Variants in TCF25 observed in about 807,000 individuals in gnomAD.
TCF25 encodes the protein TCF25 ribosome quality control complex subunit.
Under a neutral mutation model 83.1 loss-of-function variants are expected in TCF25, and 41 were observed. That is an observed-to-expected ratio of 0.49 (90% confidence interval 0.38 to 0.64). The LOEUF is 0.64. TCF25 is among the 30% of genes least tolerant of loss of function. TCF25 has a pLI of 0.00. For synonymous variants in TCF25, 458 were observed against 365.0 expected, an observed-to-expected ratio of 1.25 and a Z score of -2.90; for missense variants, 979 against 914.5, an observed-to-expected ratio of 1.07 and a Z score of -0.91.
chr16:89,904,111 C>T lies in TCF25; in HGVS notation c.1382-7C>T. On this transcript the variant is annotated splice_region_variant and splice_polypyrimidine_tract_variant and intron_variant, in intron 12 of 17. Coordinates refer to ENST00000263346, the MANE Select transcript of TCF25 (RefSeq NM_014972.3). ...GGGCCCCCACAGAGCCTCCGCTTCC[C>T]CTGCAGTCCTCCTGCCCCTGCTCGA... The T allele has an allele frequency of 6.2e-7, 1 of 1,603,604 alleles. No individual in the cohort carries two copies. Among genetic ancestry groups the T allele is most frequent in the Non-Finnish European group, 8.5e-7 (1 of 1,175,572 alleles).
chr16:89,880,763 G>A lies in TCF25; in HGVS notation c.193-2588G>A, dbSNP rs564120124. Among the ~76,000 whole-genome samples the A allele has an allele frequency of 3.3e-5, 5 of 152,272 alleles. No individual in the cohort carries two copies. In the East Asian group the frequency reaches 9.6e-4, roughly 29 times the overall value. On this transcript the variant is annotated intron_variant, in intron 1 of 17. Coordinates refer to ENST00000263346, the MANE Select transcript of TCF25 (RefSeq NM_014972.3). Reference sequence around the variant, plus strand: ...AAACCAGCACCCAGCTTCACTAAGAGACATCATCATTAGTTGAATGTTGGA... The same window carrying A: ...AAACCAGCACCCAGCTTCACTAAGAAACATCATCATTAGTTGAATGTTGGA...
At chr16:89,909,153 AT>A in intron 16 of TCF25, 1 of 1,280,240 alleles carries the variant, frequency 7.8e-7, no homozygotes, top group Non-Finnish European at 1.0e-6. Context: ...GAATGTAGAA[AT>A]AAACATAAAA....
chr16:89,909,120 G>A (rs1208447450), intron 16 of TCF25: 2 of 1,288,270 alleles, frequency 1.6e-6, no homozygotes, highest in East Asian at 5.6e-5. Context: ...GTGCAGTGAA[G>A]TGGGGAAAAC....
chr16:89,882,270 C>T (rs2042664768), intron 1 of TCF25, among the ~76,000 whole-genome samples: 1 of 152,240 alleles, frequency 6.6e-6, no homozygotes, highest in Non-Finnish European at 1.5e-5. Context: ...CGTGGTGGCT[C>T]ACGCCTGTAA....
At chr16:89,885,798 T>C (rs766071015) in intron 3 of TCF25, 50 bp from the exon 4 acceptor site, 8 of 1,421,764 alleles carry the variant, frequency 5.6e-6, no homozygotes, top group Non-Finnish European at 7.9e-6. Context: ...TGTTACAATA[T>C]TTAAAATAAT....
chr16:89,884,244 C>A (rs1026115633), intron 2 of TCF25, among the ~76,000 whole-genome samples: 1 of 152,076 alleles, frequency 6.6e-6, no homozygotes, highest in Non-Finnish European at 1.5e-5. Context: ...CGGTGTGAGG[C>A]GGCCAGGGCA....
intron 4 of TCF25, 114 bp downstream of exon 4, chr16:89,886,080 A>C (rs1454125338): frequency 2.0e-5 from 13 of 665,116 alleles, no homozygotes; most frequent in South Asian, 4.8e-5. Flanking sequence ...TCGTGGGAGG[A>C]AAAGGTTCTC....
chr16:89,880,395 C>A (rs1361113889), intron 1 of TCF25, among the ~76,000 whole-genome samples: 1 of 152,196 alleles, frequency 6.6e-6, no homozygotes, highest in East Asian at 1.9e-4. Context: ...ACCAGCCTGG[C>A]CAACATGATG....
intron 5 of TCF25, among the ~76,000 whole-genome samples, chr16:89,887,942 C>T (rs1440027906): frequency 1.3e-5 from 2 of 152,204 alleles, no homozygotes; most frequent in Admixed American, 1.3e-4. Flanking sequence ...AGCTGGTCTC[C>T]ATCCCTCACA....
In TCF25 at chr16:89,896,045, T is replaced by C. The variant is rs1163004987; in HGVS notation, c.984T>C (p.Ser328=). Residue 328 remains serine (S), a synonymous_variant, in exon 9 of 18, where the codon AGT becomes AGC. Coordinates refer to ENST00000263346, the MANE Select transcript of TCF25 (RefSeq NM_014972.3). ...TCCACCCCCTGTTCAGTCTCACCAG[T>C]GGGGCCTGCCGGCTGGATTACCGCA... ...CAFHPLFSLT[S]GACRLDYRRP... The C allele has an allele frequency of 5.0e-6, 8 of 1,613,842 alleles. No individual in the cohort carries two copies. Among genetic ancestry groups the C allele is most frequent in the Non-Finnish European group, 6.8e-6 (8 of 1,179,986 alleles).
rs760844824 is a variant in TCF25, at chr16:89,893,786, C to T, written c.756C>T (p.His252=). The change falls in exon 7 of 18, where the codon CAC becomes CAT. Residue 252 remains histidine, a synonymous_variant. Transcript: ENST00000263346. ...GCCTCTCCTTCTTTGCGTTTGAGCA[C>T]AGTGAGGAGTACCAGCAGGCTCAGC... ...KKGLSFFAFE[H]SEEYQQAQHK... is the part of the protein sequence containing the mutation. 4.3e-6 allele frequency: 7 copies of T among 1,613,556 alleles called. No homozygotes were observed. Among genetic ancestry groups the T allele is most frequent in the Non-Finnish European group, 5.9e-6 (7 of 1,179,798 alleles).
At chr16:89,895,534 C>T (rs935517532) in intron 8 of TCF25, among the ~76,000 whole-genome samples, 1 of 152,192 alleles carries the variant, frequency 6.6e-6, no homozygotes, top group African/African-American at 2.4e-5. Flanking sequence ...ATGAAGTTTT[C>T]AAGGTTCATC....
intron 14 of TCF25, 49 bp downstream of exon 14, chr16:89,905,145 C>T (rs1009867819): frequency 1.3e-6 from 2 of 1,503,396 alleles, no homozygotes; most frequent in Admixed American, 2.2e-5. Context: ...CCTCAGGGAC[C>T]CTCATCCCAG....
chr16:89,884,862 C>G (rs1428692866), intron 3 of TCF25, among the ~76,000 whole-genome samples: 1 of 97,488 alleles, frequency 1.0e-5, no homozygotes, highest in Non-Finnish European at 1.9e-5. Flanking sequence ...GCCTGACGCC[C>G]TCTCCCTCTG....
chr16:89,898,515 C>G, intron 9 of TCF25, 42 bp from the exon 10 acceptor site: 1 of 1,488,692 alleles, frequency 6.7e-7, no homozygotes, highest in Non-Finnish European at 9.1e-7. Flanking sequence ...GAGCATTCTC[C>G]TTTGTGTCGT....
In TCF25 at chr16:89,906,181, T is replaced by A. The variant is rs1295448391; in HGVS notation, c.1629-13T>A. ...TGCTTTATCTGCTGTGCCTTGTTTC[T>A]CCCCGGCCCTAGGCGGAAGGTGCTC... On this transcript the variant is annotated splice_polypyrimidine_tract_variant and intron_variant, in intron 14 of 17. Transcript: ENST00000263346. 3.7e-6 allele frequency: 6 copies of A among 1,611,794 alleles called. No homozygotes were observed. The highest frequency in any genetic ancestry group is 5.1e-6 in the Non-Finnish European group (6 of 1,179,242).
intron 1 of TCF25, among the ~76,000 whole-genome samples, 187 bp downstream of exon 1, chr16:89,874,046 T>C (rs2041958204): frequency 1.1e-5 from 1 of 89,752 alleles, no homozygotes; most frequent in Admixed American, 1.5e-4. Context: ...GGCGGTGGCG[T>C]GGGGTGAAGA....
At chr16:89,898,530 A>G (rs773588892) in intron 9 of TCF25, 27 bp from the exon 10 acceptor site, 1 of 1,559,372 alleles carries the variant, frequency 6.4e-7, no homozygotes. Context: ...TGTCGTTGTA[A>G]TTCATGTGGA....
rs922870063 is a variant in TCF25, at chr16:89,886,891, C to T, written c.549-761C>T. Among the ~76,000 whole-genome samples the T allele has an allele frequency of 2.6e-5, 4 of 151,772 alleles. No homozygotes were observed. In the South Asian group the frequency reaches 6.3e-4, roughly 24 times the overall value. ...GGCAGAGGTTGCAGTGAGCCGAGAT[C>T]GAGATCGCGCCACTGCACTCCAGCC... On this transcript the variant is annotated intron_variant, in intron 4 of 17. Coordinates refer to ENST00000263346, the MANE Select transcript of TCF25 (RefSeq NM_014972.3).
Sources: gnomAD v4.1 joint callset for allele counts (sites outside exome capture counted in the v4.1 genomes callset) on GRCh38, gnomAD v4.1.1 for gene constraint, MANE v1.5 for transcripts, NCBI Gene and HGNC (gene_info 2026-07-23, HGNC 2026-07-21) for gene names.